GRM6: variants seen among roughly 807,000 people sequenced by gnomAD.
GRM6 encodes the protein glutamate metabotropic receptor 6.
Under a neutral mutation model 78.4 loss-of-function variants are expected in GRM6, and 73 were observed. The observed-to-expected ratio is 0.93, with a 90% CI of 0.77 to 1.13. The LOEUF (loss-of-function observed/expected upper bound fraction) is 1.13, where lower values mean the gene tolerates loss of function less well. Among genes scored for constraint, GRM6 ranks in the 50% most tolerant of loss-of-function variants. The pLI is 0.00. For missense variants in GRM6, 1,251 were observed against 1,256.4 expected, an observed-to-expected ratio of 1.00 and a Z score of 0.07; for synonymous variants, 580 against 555.0, an observed-to-expected ratio of 1.05 and a Z score of -0.63.
rs2113348558 is a variant in GRM6, at chr5:178,994,859, G to C, written c.86C>G (p.Ala29Gly). 1 of 1,207,960 alleles carries C rather than the reference G, an allele frequency of 8.3e-7. No individual in the cohort carries two copies. Among genetic ancestry groups the C allele is most frequent in the East Asian group, 3.9e-5 (1 of 25,432 alleles). The allele number at this position is 1,207,960 out of a possible 1,614,324, so 74.8% of individuals were successfully genotyped here. Residue 29 changes from alanine to glycine, a missense_variant, in exon 2 of 11, where the codon GCG (alanine) becomes GGG (glycine). Ala to Gly is a moderately conservative substitution (Grantham distance 60). Coordinates refer to ENST00000517717, the MANE Select transcript of GRM6 (RefSeq NM_000843.4). ...GCCCGCCAGGCGCACAGAGCCCGCCGCGCGCGCCAGGCCCGCCTGCGCCAG... is the reference window on the plus strand; with the variant it reads ...GCCCGCCAGGCGCACAGAGCCCGCCCCGCGCGCCAGGCCCGCCTGCGCCAG... ...AWLAQAGLAR[A>G]AGSVRLAGGL...
chr5:178,985,065 G>A (rs961164602), intron 9 of GRM6, among the ~76,000 whole-genome samples: 1 of 152,260 alleles, frequency 6.6e-6, no homozygotes, highest in East Asian at 1.9e-4. Flanking sequence ...CGGCCAGCAC[G>A]AAACGCTGGC....
rs62638212 is a variant in GRM6, at chr5:178,986,488, G to A, written c.1766C>T (p.Pro589Leu). ...LSWSSPWAAP[P>L]LLLAVLGIVA... ...GATGCCCAGCACGGCCAGGAGGAGC[G>A]GCGGGGCTGCCCAGGGGGAGGACCA... is the stretch of plus-strand genomic sequence containing the variant. The change falls in exon 9 of 11, where the codon CCG (proline) becomes CTG (leucine). Residue 589 changes from proline (P) to leucine (L), a missense_variant. Coordinates refer to ENST00000517717, the MANE Select transcript of GRM6 (RefSeq NM_000843.4). 3.7e-4 allele frequency: 593 copies of A among 1,610,692 alleles called. No homozygotes were observed. Among genetic ancestry groups the A allele is most frequent in the African/African-American group, 7.3e-4 (55 of 75,044 alleles).
At position 178,990,691 on chromosome 5, in the gene GRM6, C is replaced by T. The variant is rs371669870; in HGVS notation, c.913G>A (p.Gly305Ser). 1.4e-5 allele frequency: 23 copies of T among 1,599,280 alleles called. No individual in the cohort carries two copies. Among genetic ancestry groups the T allele is most frequent in the Non-Finnish European group, 1.8e-5 (21 of 1,173,874 alleles). The part of the protein sequence containing the change: ...ANLTGHFLWV[G>S]SDSWGAKTSP... ...GTCTTGGCTCCCCAGCTGTCTGAGC[C>T]GACCCACAGGAAGTGGCCGGTCAGG... is the stretch of plus-strand genomic sequence containing the variant. The change falls in exon 5 of 11, where the codon GGC becomes AGC. Residue 305 changes from glycine (G) to serine (S), a missense_variant. Coordinates refer to ENST00000517717, the MANE Select transcript of GRM6 (RefSeq NM_000843.4).
intron 9 of GRM6, chr5:178,985,559 C>G (rs368636782): frequency 3.0e-6 from 1 of 336,976 alleles, no homozygotes; most frequent in Non-Finnish European, 5.8e-6. Flanking sequence ...AAAAATTAGC[C>G]GGGCGTGGTG....
rs1349099215 is a variant in GRM6, at chr5:178,983,217, A to G, written c.2129T>C (p.Val710Ala). The change falls in exon 10 of 11, where the codon GTG becomes GCG. Residue 710 changes from valine to alanine, a missense_variant. Transcript: ENST00000517717. ...GGCCCCCAGCCATGCTATCATCCCC[A>G]CCACCTGCAGGAGCCAACACTGCAT... The part of the protein sequence containing the change: ...ITFSLTSLQV[V>A]GMIAWLGARP... The G allele has an allele frequency of 1.2e-6, 2 of 1,610,758 alleles. No homozygotes were observed. The highest frequency in any genetic ancestry group is 3.3e-5 in the Admixed American group (2 of 60,008).
At chr5:178,985,527 C>T (rs1022194748) in intron 9 of GRM6, 32 of 339,298 alleles carry the variant, frequency 9.4e-5, no homozygotes, top group Admixed American at 2.4e-4. Flanking sequence ...CACGGTGAAG[C>T]CCTGTCTCTA....
Position 178,988,696 on chromosome 5 carries a change from G to A in GRM6, c.1354+239C>T, listed in dbSNP as rs1760611661. On this transcript the variant is annotated intron_variant, in intron 7 of 10. Coordinates refer to ENST00000517717, the MANE Select transcript of GRM6 (RefSeq NM_000843.4). This position sits in a 1 kb window ranked among gnomAD's most constrained non-coding sequence, Gnocchi z 6.0. Reference sequence around the variant, plus strand: ...GTTCCTGGCAGAAGGGATCAGAGAAGCTCCCCAGCATCTGAACTGTGCAAA... The same window carrying A: ...GTTCCTGGCAGAAGGGATCAGAGAAACTCCCCAGCATCTGAACTGTGCAAA... Among the ~76,000 whole-genome samples the A allele has an allele frequency of 6.6e-6, 1 of 152,190 alleles. No individual in the cohort carries two copies. Among genetic ancestry groups the A allele is most frequent in the African/African-American group, 2.4e-5 (1 of 41,450 alleles).
Position 178,994,704 on chromosome 5 carries a change from CGTTGACGCG to C in GRM6, c.232_240del (p.Arg78_Asn80del). The C allele has an allele frequency of 6.8e-7, 1 of 1,469,140 alleles. No homozygotes were observed. Among genetic ancestry groups the C allele is most frequent in the Non-Finnish European group, 9.0e-7 (1 of 1,113,094 alleles). The allele number at this position is 1,469,140 out of a possible 1,614,324, so 91.0% of individuals were successfully genotyped here. A position where few individuals can be genotyped will look rare whatever the true frequency, so the allele number is the denominator to read the frequency against. ...ACGCCGGGCAGCAGCTCGGGGTCGG[CGTTGACGCG>C]GTCCAGCGCGTACAGCATGGCCTCC... On this transcript the variant is annotated inframe_deletion, in exon 2 of 11. Transcript: ENST00000517717.
intron 4 of GRM6, 104 bp from the exon 5 acceptor site, chr5:178,990,850 C>T (rs1760657432): frequency 1.2e-5 from 12 of 967,802 alleles, no homozygotes; most frequent in Non-Finnish European, 1.8e-5. Flanking sequence ...TAATCACTCA[C>T]CAGATCCTTG....
At chr5:178,994,386 AG>A in intron 2 of GRM6, 54 bp downstream of exon 2, 1 of 1,431,546 alleles carries the variant, frequency 7.0e-7, no homozygotes. Flanking sequence ...GGGCCACCCC[AG>A]GGCGAGGACG....
Position 178,986,577 on chromosome 5 carries a change from A to G in GRM6, c.1677T>C (p.Pro559=). ...QVDEFTCEAC[P]GDMRPTPNHT... Reference sequence around the variant, plus strand: ...GGTTGGGCGTGGGCCTCATGTCCCCAGGACAGGCCTCGCATGTGAACTCGT... The same window carrying G: ...GGTTGGGCGTGGGCCTCATGTCCCCGGGACAGGCCTCGCATGTGAACTCGT... The change falls in exon 9 of 11, where the codon CCT becomes CCC. Residue 559 remains proline, a synonymous_variant. Coordinates refer to ENST00000517717, the MANE Select transcript of GRM6 (RefSeq NM_000843.4). 1 of 1,607,374 alleles carries G rather than the reference A, an allele frequency of 6.2e-7. No homozygotes were observed. Among genetic ancestry groups the G allele is most frequent in the Non-Finnish European group, 8.5e-7 (1 of 1,179,850 alleles).
In GRM6 at chr5:178,981,192, C is replaced by T; in HGVS notation, c.*465G>A. On this transcript the variant is annotated 3_prime_UTR_variant, in exon 11 of 11. Coordinates refer to ENST00000517717, the MANE Select transcript of GRM6 (RefSeq NM_000843.4). This position sits in a 1 kb window ranked among gnomAD's most constrained non-coding sequence, Gnocchi z 5.1. ...GTGCCTCCATCCAGATGCACAGCCC[C>T]AGGTCTCCTCTTGCTGAGACAGCTC... 1 of 187,616 alleles carries T rather than the reference C, an allele frequency of 5.3e-6. No individual in the cohort carries two copies. Among genetic ancestry groups the T allele is most frequent in the Non-Finnish European group, 1.1e-5 (1 of 89,678 alleles). The allele number at this position is 187,616 out of a possible 1,614,324, so 11.6% of individuals were successfully genotyped here. A position where few individuals can be genotyped will look rare whatever the true frequency, so the allele number is the denominator to read the frequency against.
Position 178,994,933 on chromosome 5 carries a change from G to C in GRM6, c.12C>G (p.Pro4=). 1 of 1,184,984 alleles carries C rather than the reference G, an allele frequency of 8.4e-7. No individual in the cohort carries two copies. Among genetic ancestry groups the C allele is most frequent in the Non-Finnish European group, 1.0e-6 (1 of 958,482 alleles). The allele number at this position is 1,184,984 out of a possible 1,614,324, so 73.4% of individuals were successfully genotyped here. A position where few individuals can be genotyped will look rare whatever the true frequency, so the allele number is the denominator to read the frequency against. MAR[P]RRAREPLLVA... is the part of the protein sequence containing the mutation. ...CGAGCAGCGGCTCCCGGGCTCTCCG[G>C]GGCCGCGCCATCGGCTCGTCTAGCG... The change falls in exon 2 of 11, where the codon CCC becomes CCG. Residue 4 remains proline, a synonymous_variant. Transcript: ENST00000517717.
Position 178,986,687 on chromosome 5 carries a change from C to T in GRM6, c.1567G>A (p.Gly523Arg), listed in dbSNP as rs150968591. Residue 523 changes from glycine (G) to arginine (R), a missense_variant, in exon 9 of 11, where the codon GGG becomes AGG. Gly to Arg is a moderately radical substitution (Grantham distance 125). Coordinates refer to ENST00000517717, the MANE Select transcript of GRM6 (RefSeq NM_000843.4). ...VPSSLCSLPC[G>R]PGERKKMVKG... ...ACCATCTTCTTCCGCTCCCCCGGCC[C>T]GCAGGGCAGGCTGCACAGAGACGAG... 7.7e-5 allele frequency: 123 copies of T among 1,604,044 alleles called. No homozygotes were observed. In the African/African-American group the frequency reaches 1.3e-3, roughly 17 times the overall value.
In GRM6 at chr5:178,981,460, A is replaced by C. The variant is rs1205851960; in HGVS notation, c.*197T>G. 1 of 573,596 alleles carries C rather than the reference A, an allele frequency of 1.7e-6. No individual in the cohort carries two copies. Among genetic ancestry groups the C allele is most frequent in the Non-Finnish European group, 3.1e-6 (1 of 320,224 alleles). 35.5% of individuals were successfully genotyped at this position (573,596 alleles called of 1,614,324 possible). A position where few individuals can be genotyped will look rare whatever the true frequency, so the allele number is the denominator to read the frequency against. ...CGAGTCTGGTCTGTGGTGAGGAAGC[A>C]TGAAGCTCACATGCTGGAATCGGGG... On this transcript the variant is annotated 3_prime_UTR_variant, in exon 11 of 11. Transcript: ENST00000517717. The surrounding 1 kb of genome is among the most constrained non-coding windows in gnomAD (Gnocchi z 5.1).
chr5:178,988,895 G>A lies in GRM6; in HGVS notation c.1354+40C>T. On this transcript the variant is annotated intron_variant, in intron 7 of 10. Coordinates refer to ENST00000517717, the MANE Select transcript of GRM6 (RefSeq NM_000843.4). This position sits in a 1 kb window ranked among gnomAD's most constrained non-coding sequence, Gnocchi z 6.0. ...CCTCACAGCAAAATCCAGCCCCCCA[G>A]CTGTCCTTCACTGCTGCAGGGGGGC... 1.3e-6 allele frequency: 2 copies of A among 1,542,460 alleles called. No homozygotes were observed. The highest frequency in any genetic ancestry group is 1.8e-6 in the Non-Finnish European group (2 of 1,119,724).
Position 178,981,579 on chromosome 5 carries a change from C to G in GRM6, c.*78G>C, listed in dbSNP as rs900105137. 1.2e-5 allele frequency: 14 copies of G among 1,135,726 alleles called. No homozygotes were observed. Among genetic ancestry groups the G allele is most frequent in the Non-Finnish European group, 1.8e-5 (14 of 759,224 alleles). 70.4% of individuals were successfully genotyped at this position (1,135,726 alleles called of 1,614,324 possible). A position where few individuals can be genotyped will look rare whatever the true frequency, so the allele number is the denominator to read the frequency against. ...TGCCACTGACTGTTCACCGTGGACC[C>G]GGGCTCTATACAGCTTCCACCTCGA... On this transcript the variant is annotated 3_prime_UTR_variant, in exon 11 of 11. Transcript: ENST00000517717. This position sits in a 1 kb window ranked among gnomAD's most constrained non-coding sequence, Gnocchi z 5.1.
Position 178,992,152 on chromosome 5 carries a change from G to A in GRM6, c.505-69C>T, listed in dbSNP as rs1760690095. 9.4e-7 allele frequency: 1 copy of A among 1,063,128 alleles called. No individual in the cohort carries two copies. Among genetic ancestry groups the A allele is most frequent in the South Asian group, 1.3e-5 (1 of 77,420 alleles). The allele number at this position is 1,063,128 out of a possible 1,614,324, so 65.9% of individuals were successfully genotyped here. ...AACTCAAGAGAGGGAGGGTAAGGGGGGCCCAGGACACGGACGGGGCACAGA... is the reference window on the plus strand; with the variant it reads ...AACTCAAGAGAGGGAGGGTAAGGGGAGCCCAGGACACGGACGGGGCACAGA... On this transcript the variant is annotated intron_variant, in intron 2 of 10. Transcript: ENST00000517717. The surrounding 1 kb of genome is among the most constrained non-coding windows in gnomAD (Gnocchi z 4.9).
rs1219627020 is a variant in GRM6, at chr5:178,990,714, A to G, written c.890T>C (p.Leu297Pro). 6.3e-7 allele frequency: 1 copy of G among 1,585,948 alleles called. No individual in the cohort carries two copies. Among genetic ancestry groups the G allele is most frequent in the Admixed American group, 1.8e-5 (1 of 56,258 alleles). ...GCCGACCCACAGGAAGTGGCCGGTC[A>G]GGTTGGCCTGGCGAGCTGCCTCCAG... ...RVLEAARQAN[L>P]TGHFLWVGSD... Residue 297 changes from leucine (L) to proline (P), a missense_variant, in exon 5 of 11, where the codon CTG becomes CCG. Coordinates refer to ENST00000517717, the MANE Select transcript of GRM6 (RefSeq NM_000843.4).
Sources: allele counts gnomAD v4.1 joint callset (sites outside exome capture counted in the v4.1 genomes callset), GRCh38; gene constraint gnomAD v4.1.1; non-coding constraint Gnocchi (gnomAD v3.1); transcripts MANE v1.5; gene names NCBI Gene and HGNC (gene_info 2026-07-23, HGNC 2026-07-21).